Variants in USP33 observed in about 807,000 individuals in gnomAD.
USP33 encodes ubiquitin carboxyl-terminal hydrolase 33.
In USP33, 46 loss-of-function variants were observed where a neutral mutation model predicts 124.2. The observed-to-expected ratio is 0.37, with a 90% CI of 0.29 to 0.47. The LOEUF (loss-of-function observed/expected upper bound fraction) is 0.47, where lower values mean the gene tolerates loss of function less well. USP33 is among the 20% of genes least tolerant of loss of function. USP33 has a pLI of 0.99. For synonymous variants in USP33, 350 were observed against 352.3 expected, an observed-to-expected ratio of 0.99 and a Z score of 0.07; for missense variants, 851 against 1,070.6, an observed-to-expected ratio of 0.79 and a Z score of 2.86.
intron 22 of USP33, among the ~76,000 whole-genome samples, chr1:77,699,553 C>T (rs1044275124): frequency 5.9e-5 from 9 of 152,160 alleles, no homozygotes; most frequent in South Asian, 4.1e-4. Context: ...GAGATGCTGG[C>T]GAGGCTGTGG....
Position 77,702,101 on chromosome 1 carries a change from C to A in USP33, c.2407-630G>T, listed in dbSNP as rs1490892824. Among the ~76,000 whole-genome samples the A allele has an allele frequency of 4.7e-5, 6 of 128,802 alleles. No individual in the cohort carries two copies. The Admixed American group carries it at 5.6e-4, about 12-fold the overall frequency. 84.5% of individuals were successfully genotyped at this position (128,802 alleles called of 152,430 possible). On this transcript the variant is annotated intron_variant, in intron 21 of 23. Coordinates refer to ENST00000370794, the MANE Select transcript of USP33 (RefSeq NM_201624.3). ...AGACTACAGTGAGCCGTGATTGTGC[C>A]ACTGTACTCCAGCCTGGGTGACAGA...
chr1:77,739,033 G>A (rs1678815948), intron 5 of USP33, among the ~76,000 whole-genome samples: 1 of 151,964 alleles, frequency 6.6e-6, no homozygotes, highest in African/African-American at 2.4e-5. Flanking sequence ...AAATTCATTA[G>A]GGCCTTTTCC....
intron 1 of USP33, among the ~76,000 whole-genome samples, chr1:77,744,047 C>T (rs1023787780): frequency 6.6e-6 from 1 of 151,718 alleles, no homozygotes; most frequent in Non-Finnish European, 1.5e-5. Flanking sequence ...TTGCTTGAAC[C>T]CAGGAGGCAG....
In USP33 at chr1:77,741,253, C is replaced by T. The variant is rs1679085195; in HGVS notation, c.135+123G>A. ...TTTAATTTTTGTTATTAATAATGAC[C>T]TTTTAAAAGCAAGTTTAATTTACAA... On this transcript the variant is annotated intron_variant, in intron 3 of 23. Coordinates refer to ENST00000370794, the MANE Select transcript of USP33 (RefSeq NM_201624.3). 1.2e-5 allele frequency: 11 copies of T among 950,432 alleles called. 1 individual carries two copies. Among genetic ancestry groups the T allele is most frequent in the South Asian group, 8.1e-5 (4 of 49,592 alleles). The allele number at this position is 950,432 out of a possible 1,614,324, so 58.9% of individuals were successfully genotyped here.
At chr1:77,701,584 A>C (rs1167691197) in intron 21 of USP33, 113 bp from the exon 22 acceptor site, 1 of 808,646 alleles carries the variant, frequency 1.2e-6, no homozygotes, top group African/African-American at 1.8e-5. Flanking sequence ...AGGCTGAGGC[A>C]GGAGGAGTCC....
At chr1:77,719,660 C>T (rs1373430821) in intron 15 of USP33, among the ~76,000 whole-genome samples, 2 of 151,912 alleles carry the variant, frequency 1.3e-5, no homozygotes, top group African/African-American at 4.8e-5. Flanking sequence ...TAAGACCAGC[C>T]TGACCAATAT....
chr1:77,699,058 A>G (rs1347478931), intron 22 of USP33, among the ~76,000 whole-genome samples: 1 of 152,228 alleles, frequency 6.6e-6, no homozygotes, highest in Non-Finnish European at 1.5e-5. Flanking sequence ...TACAATTAAA[A>G]AAACCCAATT....
intron 8 of USP33, 88 bp downstream of exon 8, chr1:77,730,529 CG>C (rs1194393082): frequency 2.1e-6 from 2 of 969,836 alleles, no homozygotes; most frequent in Non-Finnish European, 2.8e-6. Context: ...TACTTTTTTC[CG>C]GCTCCATAAA....
At chr1:77,735,080 A>G (rs892637884) in intron 6 of USP33, among the ~76,000 whole-genome samples, 11 of 151,696 alleles carry the variant, frequency 7.3e-5, no homozygotes, top group Non-Finnish European at 1.6e-4. Flanking sequence ...CCGAGATTGC[A>G]CCACTGCACT....
chr1:77,741,205 TACAGA>T (rs1204799980), intron 3 of USP33, among the ~76,000 whole-genome samples, 166 bp downstream of exon 3: 2 of 152,158 alleles, frequency 1.3e-5, no homozygotes, highest in African/African-American at 4.8e-5. Context: ...ACAAAAGCAC[TACAGA>T]TTAAGATCTT....
At chr1:77,718,926 C>CAAAAAAAA (rs1049500513) in intron 15 of USP33, among the ~76,000 whole-genome samples, 16 of 52,284 alleles carry the variant, frequency 3.1e-4, no homozygotes, top group Admixed American at 3.9e-4. Flanking sequence ...GACCCTGCCT[C>CAAAAAAAA]AAAAAAAAAA....
chr1:77,714,490 A>G (rs1373785125), intron 19 of USP33, 124 bp downstream of exon 19: 1 of 953,288 alleles, frequency 1.0e-6, no homozygotes, highest in Non-Finnish European at 1.6e-6. Flanking sequence ...ATTAAAACAC[A>G]TTAAGTTTGA....
At chr1:77,748,250 A>G (rs1388959002) in intron 1 of USP33, among the ~76,000 whole-genome samples, 1 of 152,204 alleles carries the variant, frequency 6.6e-6, no homozygotes, top group African/African-American at 2.4e-5. Flanking sequence ...AGAACCTCTT[A>G]AGACAATACT....
rs973197602 is a variant in USP33, at chr1:77,697,492, G to A, written c.2579-18C>T. The A allele has an allele frequency of 1.6e-5, 25 of 1,584,974 alleles. No individual in the cohort carries two copies. The highest frequency in any genetic ancestry group is 2.1e-5 in the Non-Finnish European group (25 of 1,170,410). On this transcript the variant is annotated intron_variant, in intron 23 of 23. Coordinates refer to ENST00000370794, the MANE Select transcript of USP33 (RefSeq NM_201624.3). ...ATCTGCTCCTTAAAATTACGTAGAA[G>A]AAATAATGTTTACAAACCTATATAT...
At chr1:77,747,279 G>C (rs951064422) in intron 1 of USP33, among the ~76,000 whole-genome samples, 1 of 109,648 alleles carries the variant, frequency 9.1e-6, no homozygotes, top group African/African-American at 3.5e-5. Flanking sequence ...ATGGTGTCTT[G>C]TTCCATTACT....
At chr1:77,715,512 T>TA (rs1319813777) in intron 18 of USP33, among the ~76,000 whole-genome samples, 7 of 152,240 alleles carry the variant, frequency 4.6e-5, no homozygotes, top group Non-Finnish European at 1.0e-4. Flanking sequence ...GCACTAAAAT[T>TA]AATCTTTCTA....
intron 1 of USP33, among the ~76,000 whole-genome samples, chr1:77,758,417 G>A (rs946817479): frequency 6.6e-6 from 1 of 151,944 alleles, no homozygotes; most frequent in Non-Finnish European, 1.5e-5. Context: ...TCCTGACCTC[G>A]TGATCGTCGG....
rs1199829312 is a variant in USP33 at position 77,711,738 on chromosome 1, C to T, written c.2406+9G>A. 10 of 1,601,828 alleles carry T rather than the reference C, an allele frequency of 6.2e-6. No individual in the cohort carries two copies. The highest frequency in any genetic ancestry group is 8.5e-6 in the Non-Finnish European group (10 of 1,177,402). ...TCCTAGATCAATTTGAAAAGCATCA[C>T]TTTTTTACCCGAATAAAAATTTCCA... On this transcript the variant is annotated intron_variant, in intron 21 of 23. Transcript: ENST00000370794.
At chr1:77,743,664 C>T (rs567771961) in intron 1 of USP33, among the ~76,000 whole-genome samples, 73 of 152,122 alleles carry the variant, frequency 4.8e-4, no homozygotes, top group South Asian at 1.0e-3. Context: ...AAAAAAACCA[C>T]GGGAAAGGAT....
Sources: gnomAD v4.1 joint callset for allele counts (sites outside exome capture counted in the v4.1 genomes callset) on GRCh38, gnomAD v4.1.1 for gene constraint, MANE v1.5 for transcripts, NCBI Gene and HGNC (gene_info 2026-07-23, HGNC 2026-07-21) for gene names.